Variants in CNTNAP2 observed in about 807,000 individuals in gnomAD.
CNTNAP2 encodes the protein contactin associated protein 2.
Under a neutral mutation model 155.2 loss-of-function variants are expected in CNTNAP2, and 98 were observed. That is an observed-to-expected ratio of 0.63 (90% confidence interval 0.54 to 0.75). The LOEUF is 0.75. Ranked by LOEUF, CNTNAP2 falls within the 30% of genes least tolerant of loss-of-function variation. The probability of loss-of-function intolerance (pLI) is 0.00; values close to 1 mark genes in which losing one functional copy is unlikely to be tolerated. For missense variants in CNTNAP2, 1,727 were observed against 1,688.1 expected, an observed-to-expected ratio of 1.02 and a Z score of -0.40; for synonymous variants, 651 against 631.2, an observed-to-expected ratio of 1.03 and a Z score of -0.47.
At chr7:147,349,732 A>C (rs1224369389) in intron 9 of CNTNAP2, among the ~76,000 whole-genome samples, 1 of 151,964 alleles carries the variant, frequency 6.6e-6, no homozygotes, top group African/African-American at 2.4e-5. Flanking sequence ...TTTTAAAACT[A>C]TCTGTGAACA....
At chr7:148,172,107 A>G in intron 17 of CNTNAP2, 135 bp from the exon 18 acceptor site, 2 of 890,528 alleles carry the variant, frequency 2.2e-6, no homozygotes, top group Non-Finnish European at 3.7e-6. Flanking sequence ...CTCTATTTAG[A>G]TAGGACCAAC....
At chr7:147,182,674 C>G (rs895564978) in intron 8 of CNTNAP2, among the ~76,000 whole-genome samples, 2 of 151,914 alleles carry the variant, frequency 1.3e-5, no homozygotes, top group South Asian at 2.1e-4. Context: ...GTTTGCTAAT[C>G]TTGAACCTTG....
chr7:146,834,888 T>A (rs1324779283), intron 2 of CNTNAP2, among the ~76,000 whole-genome samples: 1 of 152,084 alleles, frequency 6.6e-6, no homozygotes, highest in Non-Finnish European at 1.5e-5. Flanking sequence ...GGTTACACAT[T>A]TCACAAGCCA....
At chr7:146,351,114 G>A (rs555435882) in intron 1 of CNTNAP2, among the ~76,000 whole-genome samples, 2 of 151,660 alleles carry the variant, frequency 1.3e-5, no homozygotes, top group East Asian at 1.9e-4. Flanking sequence ...CACCAGCATG[G>A]CACATATATA....
At chr7:147,592,676 A>T (rs1291908600) in intron 12 of CNTNAP2, among the ~76,000 whole-genome samples, 1 of 152,212 alleles carries the variant, frequency 6.6e-6, no homozygotes, top group South Asian at 2.1e-4. Flanking sequence ...TGATATCTGC[A>T]ACAAATTACA....
At chr7:147,714,418 A>G (rs902510924) in intron 13 of CNTNAP2, among the ~76,000 whole-genome samples, 46 of 132,792 alleles carry the variant, frequency 3.5e-4, no homozygotes, top group African/African-American at 9.5e-4. Context: ...AGAGAGAGAA[A>G]GAGGTTCTTT....
intron 3 of CNTNAP2, among the ~76,000 whole-genome samples, chr7:146,939,384 T>C (rs771177594): frequency 6.6e-6 from 1 of 152,186 alleles, no homozygotes; most frequent in Non-Finnish European, 1.5e-5. Context: ...CTACAGTAAA[T>C]TCAAAATTGC....
intron 15 of CNTNAP2, among the ~76,000 whole-genome samples, chr7:147,993,986 C>T (rs1026567252): frequency 6.6e-6 from 1 of 152,084 alleles, no homozygotes; most frequent in Admixed American, 6.6e-5. Context: ...TGCTTTCACA[C>T]AGATTTGCCC....
At chr7:148,236,318 C>T (rs1796040309) in intron 20 of CNTNAP2, among the ~76,000 whole-genome samples, 1 of 152,174 alleles carries the variant, frequency 6.6e-6, no homozygotes, top group African/African-American at 2.4e-5. Flanking sequence ...TAAATGTTAC[C>T]CGTGAGGCTA....
intron 21 of CNTNAP2, among the ~76,000 whole-genome samples, chr7:148,370,359 CCT>C (rs1798864583): frequency 6.6e-6 from 1 of 152,184 alleles, no homozygotes; most frequent in African/African-American, 2.4e-5. Context: ...AGCCTGAATC[CCT>C]CCACGCAGAA....
chr7:148,260,365 G>A (rs547533842), intron 20 of CNTNAP2, among the ~76,000 whole-genome samples: 15 of 152,162 alleles, frequency 9.9e-5, no homozygotes, highest in African/African-American at 3.4e-4. Flanking sequence ...TCAAAGATAC[G>A]AGATCATACC....
intron 2 of CNTNAP2, among the ~76,000 whole-genome samples, chr7:146,799,692 C>T (rs530174057): frequency 6.6e-6 from 1 of 152,268 alleles, no homozygotes; most frequent in Admixed American, 6.5e-5. Flanking sequence ...CACAAAATTA[C>T]CATAGTGGTT....
chr7:146,831,078 G>A (rs1215629494), intron 2 of CNTNAP2, among the ~76,000 whole-genome samples: 10 of 152,170 alleles, frequency 6.6e-5, no homozygotes, highest in Admixed American at 6.5e-5. Context: ...ATTAAACAAG[G>A]ACTCAATTTT....
At chr7:147,672,440 A>G (rs995355854) in intron 13 of CNTNAP2, 3 of 152,108 alleles carry the variant, frequency 2.0e-5, no homozygotes, top group African/African-American at 4.8e-5. Flanking sequence ...GCCTTTATTT[A>G]TCTATTTTAG....
intron 11 of CNTNAP2, among the ~76,000 whole-genome samples, chr7:147,554,694 T>C (rs1212805713): frequency 6.6e-6 from 1 of 152,158 alleles, no homozygotes; most frequent in Non-Finnish European, 1.5e-5. Flanking sequence ...AGAAATTATA[T>C]GCAGGGAAAG....
rs190879836 is a variant in CNTNAP2 at position 147,179,052 on chromosome 7, G to T, written c.1348+46543G>T. ...ACTGCAGTGCTGTGGCCTTGTGATT[G>T]TCATCTAACCTTTCTGAGACTCCAT... On this transcript the variant is annotated intron_variant, in intron 8 of 23. Transcript: ENST00000361727. 3.2e-3 allele frequency among the ~76,000 whole-genome samples: 492 copies of T among 152,200 alleles called. 5 individuals are homozygous for T. The highest frequency in any genetic ancestry group is 0.011 in the African/African-American group (444 of 41,528).
chr7:147,269,198 G>T (rs1037780941), intron 8 of CNTNAP2, among the ~76,000 whole-genome samples: 1 of 152,050 alleles, frequency 6.6e-6, no homozygotes, highest in Non-Finnish European at 1.5e-5. Flanking sequence ...GACTTATTTT[G>T]TGTGTGTATA....
At chr7:147,453,747 C>T (rs752819621) in intron 10 of CNTNAP2, among the ~76,000 whole-genome samples, 23 of 151,900 alleles carry the variant, frequency 1.5e-4, no homozygotes, top group South Asian at 4.1e-4. Context: ...ACAAGTTTAT[C>T]CAAGTAACAA....
At chr7:148,088,782 A>G (rs1803785555) in intron 15 of CNTNAP2, among the ~76,000 whole-genome samples, 1 of 152,040 alleles carries the variant, frequency 6.6e-6, no homozygotes, top group South Asian at 2.1e-4. Flanking sequence ...AAAAATGAAG[A>G]TGAAGAAACA....
Sources: allele counts gnomAD v4.1 joint callset (sites outside exome capture counted in the v4.1 genomes callset), GRCh38; gene constraint gnomAD v4.1.1; transcripts MANE v1.5; gene names NCBI Gene and HGNC (gene_info 2026-07-23, HGNC 2026-07-21).